CREB5: variants seen among roughly 807,000 people sequenced by gnomAD.
The protein encoded by CREB5 is cAMP responsive element binding protein 5.
In CREB5, 19 loss-of-function variants were observed where a neutral mutation model predicts 57.1. The ratio of observed to expected loss-of-function variants is 0.33; its 90% CI spans 0.23 to 0.49. The LOEUF is 0.49. Ranked by LOEUF, CREB5 falls within the 20% of genes least tolerant of loss-of-function variation. The probability of loss-of-function intolerance (pLI) is 0.99; values close to 1 mark genes in which losing one functional copy is unlikely to be tolerated. For synonymous variants in CREB5, 238 were observed against 238.3 expected (o/e 1.00, Z 0.01); for missense variants, 579 against 671.6 (o/e 0.86, Z 1.52).
chr7:28,522,441 C>T (rs1793249266), intron 4 of CREB5, among the ~76,000 whole-genome samples: 2 of 147,556 alleles, frequency 1.4e-5, no homozygotes. Context: ...CGTCGCCCAG[C>T]CTGGAGTGCA....
chr7:28,723,857 T>C (rs1253278179), intron 6 of CREB5, among the ~76,000 whole-genome samples: 1 of 152,204 alleles, frequency 6.6e-6, no homozygotes, highest in Admixed American at 6.5e-5. Context: ...GATCGTTTAG[T>C]TTTCCTATAG....
intron 7 of CREB5, among the ~76,000 whole-genome samples, chr7:28,753,072 T>A (rs1024776922): frequency 1.3e-5 from 2 of 152,152 alleles, no homozygotes; most frequent in Non-Finnish European, 2.9e-5. Context: ...TGGCAAAATG[T>A]ACCAAGCCTT....
Position 28,570,413 on chromosome 7 carries a change from A to G in CREB5, c.340A>G (p.Thr114Ala), listed in dbSNP as rs1355693532. The G allele has an allele frequency of 9.9e-6, 16 of 1,614,068 alleles. No individual in the cohort carries two copies. The Middle Eastern group carries it at 8.2e-4, about 83-fold the overall frequency. Residue 114 changes from threonine to alanine, a missense_variant, in exon 5 of 11, where the codon ACT (threonine) becomes GCT (alanine). Transcript: ENST00000357727. ...AVGGAMTGPG[T>A]HQLSSARLPN... ...TGGTGGGGCCATGACGGGGCCCGGA[A>G]CTCACCAGCTTAGCAGCGCTCGGCT...
At chr7:28,386,000 C>G (rs1183787851) in intron 1 of CREB5, among the ~76,000 whole-genome samples, 1 of 152,152 alleles carries the variant, frequency 6.6e-6, no homozygotes, top group Non-Finnish European at 1.5e-5. Flanking sequence ...ATCTGCCAGT[C>G]TAATCACTTT....
At chr7:28,780,259 A>C (rs1806895814) in intron 7 of CREB5, among the ~76,000 whole-genome samples, 1 of 152,212 alleles carries the variant, frequency 6.6e-6, no homozygotes, top group Non-Finnish European at 1.5e-5. Flanking sequence ...GAGACGAAAG[A>C]AGCTGAATGC....
At chr7:28,814,465 T>A (rs895340872) in intron 9 of CREB5, among the ~76,000 whole-genome samples, 3 of 152,230 alleles carry the variant, frequency 2.0e-5, no homozygotes. Context: ...TGCTTTGGAA[T>A]CTGCCCTACT....
At chr7:28,475,039 C>T (rs1372858412) in intron 1 of CREB5, among the ~76,000 whole-genome samples, 1 of 152,050 alleles carries the variant, frequency 6.6e-6, no homozygotes, top group Non-Finnish European at 1.5e-5. Flanking sequence ...ATATATAAAC[C>T]TTTCTGCATT....
At chr7:28,707,085 G>A (rs935495236) in intron 5 of CREB5, among the ~76,000 whole-genome samples, 3 of 152,138 alleles carry the variant, frequency 2.0e-5, no homozygotes, top group African/African-American at 4.8e-5. Flanking sequence ...GCTTCCCTGA[G>A]AAGAGGATGG....
chr7:28,687,538 C>T (rs903716678), intron 5 of CREB5, among the ~76,000 whole-genome samples: 6 of 146,450 alleles, frequency 4.1e-5, no homozygotes, highest in East Asian at 2.0e-4. Context: ...TGACACCATC[C>T]GGCATTACTA....
In CREB5 at chr7:28,523,192, C is replaced by T. The variant is rs1793285522; in HGVS notation, c.291+15455C>T. 5.3e-5 allele frequency among the ~76,000 whole-genome samples: 8 copies of T among 152,166 alleles called. No homozygotes were observed. The South Asian group carries it at 1.7e-3, about 32-fold the overall frequency. On this transcript the variant is annotated intron_variant, in intron 4 of 10. Transcript: ENST00000357727. Reference sequence around the variant, plus strand: ...GGGATTCAGGGAGTTGCTATGCCATCACTTTTGGGTGTCATAGGAGTTTTG... The same window carrying T: ...GGGATTCAGGGAGTTGCTATGCCATTACTTTTGGGTGTCATAGGAGTTTTG...
chr7:28,735,826 A>C (rs1803947139), intron 7 of CREB5, among the ~76,000 whole-genome samples: 2 of 149,570 alleles, frequency 1.3e-5, no homozygotes, highest in African/African-American at 4.9e-5. Flanking sequence ...TTTTTTTTTA[A>C]TGGAATTTTG....
chr7:28,550,515 G>A (rs1470303975), intron 4 of CREB5, among the ~76,000 whole-genome samples: 2 of 152,162 alleles, frequency 1.3e-5, no homozygotes. Context: ...GACTCTGTAA[G>A]ATGTCGGTCG....
chr7:28,681,744 T>G (rs1800605583), intron 5 of CREB5, among the ~76,000 whole-genome samples: 1 of 152,214 alleles, frequency 6.6e-6, no homozygotes, highest in Non-Finnish European at 1.5e-5. Context: ...TATCCCAGTC[T>G]GGTAGCCCAG....
At chr7:28,326,680 A>G (rs1583675919) in intron 1 of CREB5, among the ~76,000 whole-genome samples, 1 of 152,186 alleles carries the variant, frequency 6.6e-6, no homozygotes. Flanking sequence ...TCTGCTCTTC[A>G]CAATTCATCT....
At chr7:28,656,468 T>C (rs1039748028) in intron 5 of CREB5, among the ~76,000 whole-genome samples, 1 of 152,224 alleles carries the variant, frequency 6.6e-6, no homozygotes, top group African/African-American at 2.4e-5. Flanking sequence ...TATTTATACC[T>C]AATCATTTCC....
chr7:28,579,959 G>C (rs917214657), intron 5 of CREB5, among the ~76,000 whole-genome samples: 4 of 152,038 alleles, frequency 2.6e-5, no homozygotes, highest in African/African-American at 9.7e-5. Flanking sequence ...TGCTCAAATT[G>C]CATATTTAAA....
intron 5 of CREB5, among the ~76,000 whole-genome samples, chr7:28,633,553 A>G (rs540474355): frequency 6.6e-6 from 1 of 152,302 alleles, no homozygotes; most frequent in East Asian, 1.9e-4. Flanking sequence ...TCTATCTACA[A>G]ATTCCATTTC....
intron 7 of CREB5, 187 bp downstream of exon 7, chr7:28,724,519 T>C (rs1332482605): frequency 2.4e-5 from 14 of 575,026 alleles, no homozygotes; most frequent in Non-Finnish European, 4.0e-5. Context: ...CAGATAATCA[T>C]GTAACAAGCA....
intron 5 of CREB5, among the ~76,000 whole-genome samples, chr7:28,571,106 C>A (rs56928451): frequency 0.13 from 20,184 of 151,994 alleles, 1,864 homozygotes; most frequent in East Asian, 0.33. Context: ...CTGGGTGGGG[C>A]GTGTCCACAA....
Sources: gnomAD v4.1 joint callset for allele counts (sites outside exome capture counted in the v4.1 genomes callset) on GRCh38, gnomAD v4.1.1 for gene constraint, MANE v1.5 for transcripts, NCBI Gene and HGNC (gene_info 2026-07-23, HGNC 2026-07-21) for gene names.